The following PTPRS variants were observed in gnomAD, a reference collection of about 807,000 sequenced individuals.
PTPRS encodes receptor-type tyrosine-protein phosphatase S.
Under a neutral mutation model 215.3 loss-of-function variants are expected in PTPRS, and 63 were observed. The ratio of observed to expected loss-of-function variants is 0.29; its 90% CI spans 0.24 to 0.36. PTPRS has a LOEUF of 0.36. Among genes scored for constraint, PTPRS ranks in the 10% least tolerant of loss-of-function variants. The pLI is 1.00. For missense variants in PTPRS, 2,258 were observed against 2,825.8 expected (o/e 0.80, Z 4.56); for synonymous variants, 1,404 against 1,191.4 (o/e 1.18, Z -3.68).
At chr19:5,207,119 G>A (rs1024854921) in intron 37 of PTPRS, among the ~76,000 whole-genome samples, 2 of 152,210 alleles carry the variant, frequency 1.3e-5, no homozygotes, top group Non-Finnish European at 2.9e-5. Context: ...GAGTCTCGCT[G>A]TGTTGCCCAG....
rs539246082 is a variant in PTPRS at position 5,320,453 on chromosome 19, C to T, written c.-95+20211G>A. ...TGGATTTTTTCTTTTTTAATTGAGA[C>T]GGAGTTCGCTCTGTCCCCCAGGCTG... On this transcript the variant is annotated intron_variant, in intron 1 of 37. Transcript: ENST00000262963. Among the ~76,000 whole-genome samples the T allele has an allele frequency of 3.9e-5, 6 of 152,274 alleles. No individual in the cohort carries two copies. In the South Asian group the frequency reaches 8.3e-4, roughly 21 times the overall value.
intron 26 of PTPRS, 87 bp from the exon 27 acceptor site, chr19:5,215,682 C>A: frequency 2.1e-6 from 2 of 940,878 alleles, no homozygotes; most frequent in South Asian, 1.6e-5. Context: ...ACGTGTGAGT[C>A]TGCGATGGGT....
In PTPRS at chr19:5,270,178, C is replaced by T. The variant is rs905651161; in HGVS notation, c.379+3264G>A. On this transcript the variant is annotated intron_variant, in intron 4 of 37. Coordinates refer to ENST00000262963, the MANE Select transcript of PTPRS (RefSeq NM_002850.4). ...TCCGCCCCCGCTCCTTCCTCCATCCCCCAGCAGGATGGGATCCAGGACCCA... is the reference window on the plus strand; with the variant it reads ...TCCGCCCCCGCTCCTTCCTCCATCCTCCAGCAGGATGGGATCCAGGACCCA... Among the ~76,000 whole-genome samples the T allele has an allele frequency of 2.0e-5, 3 of 152,272 alleles. No individual in the cohort carries two copies. In the South Asian group the frequency reaches 6.2e-4, roughly 32 times the overall value.
At chr19:5,219,114 C>G in intron 23 of PTPRS, 196 bp downstream of exon 23, 1 of 759,804 alleles carries the variant, frequency 1.3e-6, no homozygotes, top group Non-Finnish European at 2.1e-6. Context: ...AGCCAAGCCA[C>G]TGGCCTGCTT....
chr19:5,249,423 C>T (rs2044798140), intron 9 of PTPRS, among the ~76,000 whole-genome samples: 7 of 152,178 alleles, frequency 4.6e-5, no homozygotes, highest in Admixed American at 4.6e-4. Flanking sequence ...AGGCAAACGT[C>T]CTTATGCTCA....
At chr19:5,226,316 C>G (rs996965754) in intron 16 of PTPRS, among the ~76,000 whole-genome samples, 11 of 152,178 alleles carry the variant, frequency 7.2e-5, no homozygotes. Flanking sequence ...TGGCACTGGC[C>G]TTCCCCCCTG....
In PTPRS at chr19:5,215,557, C is replaced by A; in HGVS notation, c.4135G>T (p.Ala1379Ser). 1 of 1,611,426 alleles carries A rather than the reference C, an allele frequency of 6.2e-7. No individual in the cohort carries two copies. The highest frequency in any genetic ancestry group is 8.5e-7 in the Non-Finnish European group (1 of 1,178,300). Reference sequence around the variant, plus strand: ...GCCTTGAGCCGCTCCGTGTGCTCCGCCATGTCTGCGATGGGAATTGGCGGG... The same window carrying A: ...GCCTTGAGCCGCTCCGTGTGCTCCGACATGTCTGCGATGGGAATTGGCGGG... Reference protein sequence around the residue: ...SHPPIPIADMAEHTERLKAND... With the variant: ...SHPPIPIADMSEHTERLKAND... Residue 1379 changes from alanine to serine, a missense_variant, in exon 27 of 38, where the codon GCG (alanine) becomes TCG (serine). Physicochemically the swap from Ala to Ser is moderately conservative, Grantham distance 99. This residue lies in a region of PTPRS where 927 missense variants were observed against 1,125.9 expected (regional missense o/e 0.82). Transcript: ENST00000262963.
At chr19:5,327,606 G>T (rs1371780420) in intron 1 of PTPRS, among the ~76,000 whole-genome samples, 1 of 152,038 alleles carries the variant, frequency 6.6e-6, no homozygotes, top group Non-Finnish European at 1.5e-5. Context: ...GCCTGGCTCA[G>T]TTCTTTTTGT....
chr19:5,292,683 G>C (rs982712237), intron 1 of PTPRS: 1 of 152,276 alleles, frequency 6.6e-6, no homozygotes. Context: ...TGCGATTTTC[G>C]GGGGTGGCTA....
At chr19:5,282,450 C>CAAAG (rs921054342) in intron 2 of PTPRS, among the ~76,000 whole-genome samples, 17 of 152,178 alleles carry the variant, frequency 1.1e-4, no homozygotes, top group African/African-American at 4.1e-4. Flanking sequence ...TCGAGAGGCA[C>CAAAG]AAAGACACGC....
At chr19:5,334,391 G>A (rs995133922) in intron 1 of PTPRS, among the ~76,000 whole-genome samples, 4 of 152,244 alleles carry the variant, frequency 2.6e-5, no homozygotes, top group Non-Finnish European at 5.9e-5. Flanking sequence ...TTCTGAATCT[G>A]TGCTTACACA....
chr19:5,220,965 G>T, intron 20 of PTPRS, 35 bp downstream of exon 20: 2 of 1,574,590 alleles, frequency 1.3e-6, no homozygotes, highest in Admixed American at 1.8e-5. Context: ...GCTGATGGGG[G>T]TGACAAGGAA....
chr19:5,290,979 C>T (rs1825047833), intron 1 of PTPRS, among the ~76,000 whole-genome samples: 1 of 151,896 alleles, frequency 6.6e-6, no homozygotes, highest in Non-Finnish European at 1.5e-5. Context: ...CTGGTGGGCT[C>T]AAGTCAGCTC....
rs1223564711 is a variant in PTPRS, at chr19:5,237,931, T to C, written c.1849+988A>G. Among the ~76,000 whole-genome samples, 1 of 152,128 alleles carries C rather than the reference T, an allele frequency of 6.6e-6. No individual in the cohort carries two copies. The highest frequency in any genetic ancestry group is 6.5e-5 in the Admixed American group (1 of 15,278). ...CAGATGCCCCGGCTGGAGTTGATGT[T>C]AACCCTTCGACTGATCCGAGATGCC... On this transcript the variant is annotated intron_variant, in intron 13 of 37. Coordinates refer to ENST00000262963, the MANE Select transcript of PTPRS (RefSeq NM_002850.4). This position sits in a 1 kb window ranked among gnomAD's most constrained non-coding sequence, Gnocchi z 4.2.
At chr19:5,302,688 CT>C (rs1284548588) in intron 1 of PTPRS, among the ~76,000 whole-genome samples, 2 of 152,200 alleles carry the variant, frequency 1.3e-5, no homozygotes, top group South Asian at 2.1e-4. Context: ...GTGTGTGCAG[CT>C]CTGGGCTGCC....
intron 4 of PTPRS, among the ~76,000 whole-genome samples, chr19:5,268,274 T>G (rs1240766753): frequency 6.6e-6 from 1 of 152,150 alleles, no homozygotes; most frequent in Non-Finnish European, 1.5e-5. Context: ...GGCAGAGTTT[T>G]GGGTTGTTGC....
At chr19:5,272,098 G>C (rs755927796) in intron 4 of PTPRS, among the ~76,000 whole-genome samples, 2 of 152,114 alleles carry the variant, frequency 1.3e-5, no homozygotes. Context: ...CAGCAACCAA[G>C]TGGCAGCCAG....
At chr19:5,238,612 C>T (rs1177835062) in intron 13 of PTPRS, among the ~76,000 whole-genome samples, 6 of 152,214 alleles carry the variant, frequency 3.9e-5, no homozygotes, top group Admixed American at 2.0e-4. Flanking sequence ...AGAAAGAAGG[C>T]GTGGTCCCAG....
In PTPRS at chr19:5,244,558, A is replaced by T; in HGVS notation, c.989-76T>A. Reference sequence around the variant, plus strand: ...CCTGAAGGCTGTGTGACTTTTCACCATTCAGTCGCCTTCTCTGAGCCTTGA... The same window carrying T: ...CCTGAAGGCTGTGTGACTTTTCACCTTTCAGTCGCCTTCTCTGAGCCTTGA... On this transcript the variant is annotated intron_variant, in intron 10 of 37. Coordinates refer to ENST00000262963, the MANE Select transcript of PTPRS (RefSeq NM_002850.4). This position sits in a 1 kb window ranked among gnomAD's most constrained non-coding sequence, Gnocchi z 7.2. 8.1e-7 allele frequency: 1 copy of T among 1,229,996 alleles called. No homozygotes were observed. 76.2% of individuals were successfully genotyped at this position (1,229,996 alleles called of 1,614,324 possible). A position where few individuals can be genotyped will look rare whatever the true frequency, so the allele number is the denominator to read the frequency against.
Sources: allele counts gnomAD v4.1 joint callset (sites outside exome capture counted in the v4.1 genomes callset), GRCh38; gene constraint gnomAD v4.1.1; regional missense constraint gnomAD v4.1.1; non-coding constraint Gnocchi (gnomAD v3.1); transcripts MANE v1.5; gene names NCBI Gene and HGNC (gene_info 2026-07-23, HGNC 2026-07-21).